Variants in CSMD1 observed in about 807,000 individuals in gnomAD.
CSMD1 encodes CUB and sushi domain-containing protein 1.
Under a neutral mutation model 417.5 loss-of-function variants are expected in CSMD1, and 213 were observed. The ratio of observed to expected loss-of-function variants is 0.51; its 90% CI spans 0.46 to 0.57. CSMD1 has a LOEUF of 0.57. Among genes scored for constraint, CSMD1 ranks in the 20% least tolerant of loss-of-function variants. The pLI is 0.00. For synonymous variants in CSMD1, 2,862 were observed against 1,736.8 expected, an observed-to-expected ratio of 1.65 and a Z score of -16.11; for missense variants, 6,923 against 4,529.7, an observed-to-expected ratio of 1.53 and a Z score of -15.17.
chr8:3,984,997 G>A (rs887109687), intron 5 of CSMD1, among the ~76,000 whole-genome samples: 6 of 151,952 alleles, frequency 3.9e-5, no homozygotes, highest in Non-Finnish European at 8.8e-5. Flanking sequence ...CCGATACTGG[G>A]AAAATCACGG....
chr8:3,260,592 G>A (rs910809489), intron 26 of CSMD1, among the ~76,000 whole-genome samples: 6 of 150,304 alleles, frequency 4.0e-5, no homozygotes, highest in African/African-American at 1.5e-4. Context: ...AACCCCCCTC[G>A]AAGAGCAGAG....
intron 1 of CSMD1, among the ~76,000 whole-genome samples, chr8:4,693,574 C>T (rs537437849): frequency 6.6e-6 from 1 of 152,244 alleles, no homozygotes; most frequent in East Asian, 1.9e-4. Context: ...TCAAAACAGC[C>T]CATTAGGCAG....
At chr8:4,675,458 A>C (rs1344117123) in intron 1 of CSMD1, among the ~76,000 whole-genome samples, 2 of 152,206 alleles carry the variant, frequency 1.3e-5, no homozygotes, top group African/African-American at 4.8e-5. Flanking sequence ...TTGTAAGAAC[A>C]TTAAATAAAG....
At chr8:4,122,305 T>C (rs1249020624) in intron 3 of CSMD1, among the ~76,000 whole-genome samples, 1 of 152,172 alleles carries the variant, frequency 6.6e-6, no homozygotes, top group Non-Finnish European at 1.5e-5. Context: ...ATAAGACAGC[T>C]TTGATGACCA....
chr8:4,906,855 G>A (rs571762458), intron 1 of CSMD1, among the ~76,000 whole-genome samples: 2 of 152,220 alleles, frequency 1.3e-5, no homozygotes, highest in Non-Finnish European at 2.9e-5. Context: ...GCTGCCCCCG[G>A]CCTTGAGTTT....
intron 10 of CSMD1, among the ~76,000 whole-genome samples, chr8:3,494,302 T>G (rs1019385690): frequency 6.6e-6 from 1 of 152,178 alleles, no homozygotes; most frequent in Non-Finnish European, 1.5e-5. Flanking sequence ...TGTACAACAA[T>G]GGTTTATGTT....
At chr8:3,172,563 C>T (rs1242516961) in intron 37 of CSMD1, among the ~76,000 whole-genome samples, 1 of 152,120 alleles carries the variant, frequency 6.6e-6, no homozygotes, top group African/African-American at 2.4e-5. Flanking sequence ...GGTTGTGACT[C>T]TACTTACAGA....
rs752764157 is a variant in CSMD1 at position 3,586,267 on chromosome 8, C to G, written c.1098-7G>C. The G allele has an allele frequency of 1.3e-6, 2 of 1,500,314 alleles. No homozygotes were observed. Among genetic ancestry groups the G allele is most frequent in the South Asian group, 1.3e-5 (1 of 77,938 alleles). The allele number at this position is 1,500,314 out of a possible 1,614,324, so 92.9% of individuals were successfully genotyped here. ...CTGTACATTTGCACCAACCCTAAGC[C>G]GTTAAAAAAGAAAAAAAAAAACCCA... On this transcript the variant is annotated splice_polypyrimidine_tract_variant and splice_region_variant and intron_variant, in intron 8 of 69. Coordinates refer to ENST00000635120, the MANE Select transcript of CSMD1 (RefSeq NM_033225.6).
chr8:3,313,942 A>AATACTATGCAGCC (rs1805556382), intron 23 of CSMD1, among the ~76,000 whole-genome samples: 2 of 152,222 alleles, frequency 1.3e-5, no homozygotes, highest in African/African-American at 4.8e-5. Context: ...ATGCAGCCAT[A>AATACTATGCAGCC]AAAAATGATG....
chr8:4,815,016 T>C (rs946538317), intron 1 of CSMD1, among the ~76,000 whole-genome samples: 13 of 152,166 alleles, frequency 8.5e-5, no homozygotes, highest in African/African-American at 2.9e-4. Flanking sequence ...ATTAATTATA[T>C]AGAATTAGTT....
At chr8:4,545,631 G>A (rs926034052) in intron 2 of CSMD1, among the ~76,000 whole-genome samples, 8 of 152,312 alleles carry the variant, frequency 5.3e-5, no homozygotes, top group African/African-American at 1.9e-4. Context: ...TGGCTGGTTC[G>A]TGGCTAGGAG....
At chr8:4,098,383 A>C (rs543708743) in intron 3 of CSMD1, among the ~76,000 whole-genome samples, 56 of 148,902 alleles carry the variant, frequency 3.8e-4, no homozygotes, top group African/African-American at 1.4e-3. Flanking sequence ...TACAAAATTT[A>C]ATTTTCCAAA....
chr8:3,839,133 A>T (rs1030544519), intron 5 of CSMD1, among the ~76,000 whole-genome samples: 2 of 127,464 alleles, frequency 1.6e-5, no homozygotes, highest in African/African-American at 5.8e-5. Flanking sequence ...TACTCTCTCT[A>T]GATATATATA....
intron 5 of CSMD1, among the ~76,000 whole-genome samples, chr8:3,791,666 C>T (rs956430379): frequency 6.6e-5 from 10 of 152,012 alleles, no homozygotes; most frequent in African/African-American, 2.2e-4. Flanking sequence ...TCTAGAAAAG[C>T]ACAAAAATTA....
At chr8:4,640,310 G>C (rs1803113724) in intron 1 of CSMD1, among the ~76,000 whole-genome samples, 1 of 152,272 alleles carries the variant, frequency 6.6e-6, no homozygotes, top group Admixed American at 6.5e-5. Flanking sequence ...AAACAACCAA[G>C]AAGTTTTTAA....
At chr8:3,015,462 G>T (rs886798042) in intron 52 of CSMD1, among the ~76,000 whole-genome samples, 2 of 151,672 alleles carry the variant, frequency 1.3e-5, no homozygotes, top group African/African-American at 2.4e-5. Context: ...TAGAGTTGAA[G>T]CCATGATTAT....
At chr8:4,637,057 A>G (rs1802860991) in intron 2 of CSMD1, among the ~76,000 whole-genome samples, 1 of 152,174 alleles carries the variant, frequency 6.6e-6, no homozygotes. Flanking sequence ...AAATAAGGGC[A>G]CAAAAGCAGC....
intron 1 of CSMD1, among the ~76,000 whole-genome samples, chr8:4,761,367 A>G (rs1812029175): frequency 8.4e-6 from 1 of 118,752 alleles, no homozygotes; most frequent in Non-Finnish European, 1.7e-5. Context: ...AAATCGTGTT[A>G]CTTGGTGTGT....
chr8:4,803,742 T>C (rs755558787), intron 1 of CSMD1, among the ~76,000 whole-genome samples: 2 of 152,346 alleles, frequency 1.3e-5, no homozygotes, highest in South Asian at 2.1e-4. Context: ...AAAATACTAA[T>C]ATAATTTTTT....
Sources: gnomAD v4.1 joint callset for allele counts (sites outside exome capture counted in the v4.1 genomes callset) on GRCh38, gnomAD v4.1.1 for gene constraint, MANE v1.5 for transcripts, NCBI Gene and HGNC (gene_info 2026-07-23, HGNC 2026-07-21) for gene names.